Variants in ZNF385D observed in about 807,000 individuals in gnomAD.
ZNF385D encodes the protein zinc finger protein 659.
Under a neutral mutation model 35.8 loss-of-function variants are expected in ZNF385D, and 15 were observed. The observed-to-expected ratio is 0.42, with a 90% CI of 0.28 to 0.64. The LOEUF is 0.64. Among genes scored for constraint, ZNF385D ranks in the 30% least tolerant of loss-of-function variants. ZNF385D has a pLI of 0.23. For synonymous variants in ZNF385D, 212 were observed against 186.8 expected (o/e 1.13, Z -1.10); for missense variants, 474 against 494.6 (o/e 0.96, Z 0.39).
intron 2 of ZNF385D, among the ~76,000 whole-genome samples, chr3:22,210,938 C>A (rs1460836745): frequency 1.3e-5 from 2 of 151,940 alleles, no homozygotes; most frequent in Admixed American, 6.6e-5. Context: ...ATAATATACT[C>A]ACATGAGTGG....
chr3:21,972,860 T>C (rs902290483), intron 3 of ZNF385D, among the ~76,000 whole-genome samples: 4 of 152,012 alleles, frequency 2.6e-5, no homozygotes, highest in South Asian at 2.1e-4. Flanking sequence ...TCTACTAAGA[T>C]TGAACCGTGA....
chr3:22,195,473 T>TTATGTCATATATA (rs1309965077), intron 2 of ZNF385D, among the ~76,000 whole-genome samples: 1 of 152,040 alleles, frequency 6.6e-6, no homozygotes, highest in Non-Finnish European at 1.5e-5. Flanking sequence ...ACTATGCTTT[T>TTATGTCATATATA]TATGTCATAT....
At chr3:21,911,654 C>A (rs1383244741) in intron 3 of ZNF385D, among the ~76,000 whole-genome samples, 2 of 151,186 alleles carry the variant, frequency 1.3e-5, no homozygotes, top group East Asian at 2.0e-4. Flanking sequence ...AGCTATATTG[C>A]AGAAGGCATA....
At chr3:22,046,915 T>G (rs1275074588) in intron 3 of ZNF385D, among the ~76,000 whole-genome samples, 5 of 152,144 alleles carry the variant, frequency 3.3e-5, no homozygotes, top group Non-Finnish European at 7.4e-5. Flanking sequence ...TATACTATAC[T>G]ATATAAGATT....
chr3:22,111,406 A>T (rs2125645644), intron 3 of ZNF385D, among the ~76,000 whole-genome samples: 1 of 152,060 alleles, frequency 6.6e-6, no homozygotes, highest in African/African-American at 2.4e-5. Flanking sequence ...GGACACATGG[A>T]TTGGACAAAG....
At chr3:21,933,655 TA>T (rs1559768061) in intron 3 of ZNF385D, among the ~76,000 whole-genome samples, 1 of 152,218 alleles carries the variant, frequency 6.6e-6, no homozygotes, top group Non-Finnish European at 1.5e-5. Context: ...TTAATTTCTG[TA>T]TACCATGACA....
intron 2 of ZNF385D, among the ~76,000 whole-genome samples, chr3:21,604,674 C>G (rs2064422536): frequency 6.6e-6 from 1 of 151,956 alleles, no homozygotes; most frequent in African/African-American, 2.4e-5. Context: ...AGCAGATGAA[C>G]TTAGAGAAGG....
intron 3 of ZNF385D, among the ~76,000 whole-genome samples, chr3:21,806,391 G>C (rs764390378): frequency 2.0e-5 from 3 of 151,950 alleles, no homozygotes; most frequent in Non-Finnish European, 4.4e-5. Flanking sequence ...ATTTTTAGTA[G>C]AGACGGGGTT....
intron 3 of ZNF385D, among the ~76,000 whole-genome samples, chr3:21,949,927 G>A (rs1412327346): frequency 6.6e-6 from 1 of 152,074 alleles, no homozygotes; most frequent in Non-Finnish European, 1.5e-5. Context: ...TGGTGTATAT[G>A]TGCCACATTT....
intron 3 of ZNF385D, among the ~76,000 whole-genome samples, chr3:21,520,960 A>G (rs1707867715): frequency 6.6e-6 from 1 of 152,164 alleles, no homozygotes; most frequent in Admixed American, 6.5e-5. Context: ...CACATAACAC[A>G]TACTCTGTGT....
intron 2 of ZNF385D, among the ~76,000 whole-genome samples, chr3:21,607,961 G>C (rs1418347194): frequency 2.7e-5 from 4 of 148,116 alleles, no homozygotes; most frequent in Non-Finnish European, 5.9e-5. Context: ...GAATTTTATT[G>C]TGTTACCTTT....
chr3:22,244,948 G>T (rs1233319297), intron 2 of ZNF385D, among the ~76,000 whole-genome samples: 1 of 152,038 alleles, frequency 6.6e-6, no homozygotes, highest in African/African-American at 2.4e-5. Flanking sequence ...TAGAGGAGCT[G>T]TGGCCTTGGC....
chr3:21,822,381 C>G (rs1694311186), intron 3 of ZNF385D, among the ~76,000 whole-genome samples: 1 of 152,078 alleles, frequency 6.6e-6, no homozygotes, highest in South Asian at 2.1e-4. Context: ...CTGGCTAAAC[C>G]AACTTTGAAA....
At chr3:21,833,197 A>T (rs1038673644) in intron 3 of ZNF385D, among the ~76,000 whole-genome samples, 3 of 152,168 alleles carry the variant, frequency 2.0e-5, no homozygotes, top group African/African-American at 7.2e-5. Flanking sequence ...GTTTTCTTTT[A>T]ATCAGATTTT....
At chr3:22,044,385 G>C (rs538876895) in intron 3 of ZNF385D, among the ~76,000 whole-genome samples, 1 of 152,066 alleles carries the variant, frequency 6.6e-6, no homozygotes, top group South Asian at 2.1e-4. Flanking sequence ...AACTGGCCTA[G>C]ATCTGAGCAC....
chr3:21,933,390 T>C (rs772347071), intron 3 of ZNF385D, among the ~76,000 whole-genome samples: 3 of 152,176 alleles, frequency 2.0e-5, no homozygotes, highest in Non-Finnish European at 2.9e-5. Flanking sequence ...TTTGAAATCA[T>C]GTAACTGTGA....
intron 2 of ZNF385D, among the ~76,000 whole-genome samples, chr3:22,179,416 T>G (rs1303972078): frequency 1.3e-5 from 2 of 152,260 alleles, no homozygotes; most frequent in Non-Finnish European, 2.9e-5. Context: ...AGAATGCTTA[T>G]GATTTTTGCA....
chr3:21,454,479 G>A (rs1702657434), intron 4 of ZNF385D, among the ~76,000 whole-genome samples: 1 of 151,926 alleles, frequency 6.6e-6, no homozygotes, highest in Admixed American at 6.6e-5. Flanking sequence ...TTGTGTAACA[G>A]CCACACTGCA....
intron 2 of ZNF385D, among the ~76,000 whole-genome samples, chr3:22,201,202 T>C (rs776593812): frequency 1.3e-5 from 2 of 152,172 alleles, no homozygotes; most frequent in African/African-American, 4.8e-5. Flanking sequence ...TTTGGGGAAC[T>C]AATAAATGTC....
Sources: allele counts gnomAD v4.1 joint callset (sites outside exome capture counted in the v4.1 genomes callset), GRCh38; gene constraint gnomAD v4.1.1; transcripts MANE v1.5; gene names NCBI Gene and HGNC (gene_info 2026-07-23, HGNC 2026-07-21).